Variants in LMBRD1 observed in about 807,000 individuals in gnomAD.
LMBRD1 encodes LMBR1 domain containing 1, also known as lysosomal cobalamin transport escort protein LMBD1.
LMBRD1 carries 64 observed loss-of-function variants against 74.8 expected under a neutral mutation model. That is an observed-to-expected ratio of 0.86 (90% CI 0.70 to 1.05). The LOEUF is 1.05. Ranked by LOEUF, LMBRD1 falls within the 50% of genes least tolerant of loss-of-function variation. The probability of loss-of-function intolerance (pLI) is 0.00; values close to 1 mark genes in which losing one functional copy is unlikely to be tolerated. For synonymous variants in LMBRD1, 204 were observed against 216.3 expected, an observed-to-expected ratio of 0.94 and a Z score of 0.50; for missense variants, 652 against 645.9, an observed-to-expected ratio of 1.01 and a Z score of -0.10.
At chr6:69,698,994 C>T in intron 13 of LMBRD1, 49 bp downstream of exon 13, 1 of 1,239,550 alleles carries the variant, frequency 8.1e-7, no homozygotes, top group South Asian at 1.2e-5. Context: ...TTTTAAATAT[C>T]ACTATCTTTA....
chr6:69,701,626 G>A, intron 10 of LMBRD1, 81 bp from the exon 11 acceptor site: 3 of 836,802 alleles, frequency 3.6e-6, no homozygotes, highest in Non-Finnish European at 2.0e-6. Context: ...ATTTAAGCAT[G>A]CAAATACACC....
chr6:69,688,458 G>T (rs540330294), intron 14 of LMBRD1, among the ~76,000 whole-genome samples: 2 of 149,134 alleles, frequency 1.3e-5, no homozygotes, highest in South Asian at 4.4e-4. Context: ...TGTTTAAACA[G>T]TATTGCTTTA....
At chr6:69,764,618 A>G (rs1765441844) in intron 3 of LMBRD1, among the ~76,000 whole-genome samples, 1 of 152,202 alleles carries the variant, frequency 6.6e-6, no homozygotes, top group African/African-American at 2.4e-5. Flanking sequence ...TAAGCCATTC[A>G]TAAATCTTCC....
At chr6:69,699,278 TAC>T in intron 12 of LMBRD1, 86 bp from the exon 13 acceptor site, 1 of 1,179,944 alleles carries the variant, frequency 8.5e-7, no homozygotes. Context: ...GGAAATGATT[TAC>T]ACAGTTCAAT....
At chr6:69,679,589 A>T (rs1407526313) in intron 14 of LMBRD1, among the ~76,000 whole-genome samples, 1 of 152,154 alleles carries the variant, frequency 6.6e-6, no homozygotes, top group Non-Finnish European at 1.5e-5. Context: ...ATTTTTAAAA[A>T]TTGAAATCTG....
intron 1 of LMBRD1, 82 bp downstream of exon 1, chr6:69,796,731 C>G: frequency 7.6e-7 from 1 of 1,310,100 alleles, no homozygotes; most frequent in Non-Finnish European, 1.1e-6. Context: ...GTCTCCGGGG[C>G]CCGGAGAGGC....
intron 3 of LMBRD1, among the ~76,000 whole-genome samples, chr6:69,757,658 GA>G (rs751678795): frequency 2.6e-4 from 39 of 152,136 alleles, no homozygotes; most frequent in Non-Finnish European, 3.8e-4. Context: ...GTAAATGGGG[GA>G]AAAAATATTG....
At chr6:69,741,668 C>A in intron 6 of LMBRD1, 121 bp downstream of exon 6, 1 of 650,034 alleles carries the variant, frequency 1.5e-6, no homozygotes, top group South Asian at 1.7e-5. Context: ...GGATTACAGG[C>A]ATGAGCCACC....
At chr6:69,705,409 T>C (rs538141614) in intron 9 of LMBRD1, 281 of 1,152,534 alleles carry the variant, frequency 2.4e-4, no homozygotes, top group Non-Finnish European at 3.4e-4. Context: ...CCTTTTTCTA[T>C]ACTTGCTTGC....
chr6:69,780,140 T>C (rs1479381837), intron 3 of LMBRD1, among the ~76,000 whole-genome samples: 1 of 131,254 alleles, frequency 7.6e-6, no homozygotes. Context: ...TTTTTTTTTT[T>C]AACAGGCTAT....
chr6:69,721,620 G>A (rs1200555940), intron 7 of LMBRD1, among the ~76,000 whole-genome samples: 3 of 152,164 alleles, frequency 2.0e-5, no homozygotes, highest in Non-Finnish European at 1.5e-5. Context: ...GCTGGCTTCA[G>A]GGGTGATCCA....
chr6:69,725,388 C>G (rs1766708757), intron 7 of LMBRD1, among the ~76,000 whole-genome samples: 1 of 149,538 alleles, frequency 6.7e-6, no homozygotes, highest in South Asian at 2.1e-4. Flanking sequence ...AAACACACAC[C>G]TAAAGTGTAT....
chr6:69,678,189 T>C (rs1451523245), intron 14 of LMBRD1, among the ~76,000 whole-genome samples: 1 of 152,084 alleles, frequency 6.6e-6, no homozygotes, highest in African/African-American at 2.4e-5. Flanking sequence ...GATCTTACAA[T>C]AAAGTAAGCT....
At chr6:69,701,416 G>A (rs1202624141) in intron 11 of LMBRD1, 27 bp downstream of exon 11, 1 of 1,248,210 alleles carries the variant, frequency 8.0e-7, no homozygotes, top group South Asian at 1.2e-5. Context: ...AGCAGCTACA[G>A]TATAAAATGA....
intron 3 of LMBRD1, among the ~76,000 whole-genome samples, chr6:69,759,176 T>A (rs1765325310): frequency 6.6e-6 from 1 of 152,148 alleles, no homozygotes; most frequent in Non-Finnish European, 1.5e-5. Flanking sequence ...AATACTGAAT[T>A]AGGAATAATA....
Position 69,676,470 on chromosome 6 carries a change from CAA to C in LMBRD1, c.1487_1488del (p.Phe496TrpfsTer2). 3 of 1,613,294 alleles carry C rather than the reference CAA, an allele frequency of 1.9e-6. No homozygotes were observed. Among genetic ancestry groups the C allele is most frequent in the Non-Finnish European group, 2.5e-6 (3 of 1,179,506 alleles). ...KFWFFSAAYY[F>X]GNWAFLGVFL... Reference sequence around the variant, plus strand: ...CTTACCCCAAGAAAGGCCCAGTTACCAAAATAGTAAGCAGCACTGAAGAACCA... The same window carrying C: ...CTTACCCCAAGAAAGGCCCAGTTACCAATAGTAAGCAGCACTGAAGAACCA... On this transcript the variant is annotated frameshift_variant, in exon 15 of 16. Coordinates refer to ENST00000649934, the MANE Select transcript of LMBRD1 (RefSeq NM_018368.4). LOFTEE classifies it high-confidence loss of function.
Position 69,675,824 on chromosome 6 carries a change from T to C in LMBRD1, c.*334A>G. On this transcript the variant is annotated 3_prime_UTR_variant, in exon 16 of 16. Transcript: ENST00000649934. ...ACCTAAGGCACAGATACAGATGATT[T>C]ATTATGTTTTCAAAAAGTGACAAAA... 1 of 282,548 alleles carries C rather than the reference T, an allele frequency of 3.5e-6. No homozygotes were observed. Among genetic ancestry groups the C allele is most frequent in the African/African-American group, 2.2e-5 (1 of 45,416 alleles). The allele number at this position is 282,548 out of a possible 1,614,324, so 17.5% of individuals were successfully genotyped here.
intron 8 of LMBRD1, among the ~76,000 whole-genome samples, chr6:69,715,213 A>AT (rs2149854051): frequency 6.6e-6 from 1 of 152,232 alleles, no homozygotes; most frequent in East Asian, 1.9e-4. Flanking sequence ...TATCTTAACC[A>AT]TAACAATTTC....
intron 9 of LMBRD1, among the ~76,000 whole-genome samples, chr6:69,702,286 GACACAC>G (rs56690836): frequency 1.3e-5 from 2 of 149,370 alleles, no homozygotes; most frequent in African/African-American, 2.5e-5. Context: ...CTAACACACA[GACACAC>G]ACACACACAC....
Sources: allele counts gnomAD v4.1 joint callset (sites outside exome capture counted in the v4.1 genomes callset), GRCh38; gene constraint gnomAD v4.1.1; transcripts MANE v1.5; gene names NCBI Gene and HGNC (gene_info 2026-07-23, HGNC 2026-07-21).